The following AP3B1 variants were observed in gnomAD, a reference collection of about 807,000 sequenced individuals.
AP3B1 encodes the protein adaptor related protein complex 3 subunit beta 1.
AP3B1 carries 61 observed loss-of-function variants against 132.5 expected under a neutral mutation model. That is an observed-to-expected ratio of 0.46 (90% confidence interval 0.37 to 0.57). The LOEUF (loss-of-function observed/expected upper bound fraction) is 0.57, where lower values mean the gene tolerates loss of function less well. Among genes scored for constraint, AP3B1 ranks in the 20% least tolerant of loss-of-function variants. The probability of loss-of-function intolerance (pLI) is 0.00; values close to 1 mark genes in which losing one functional copy is unlikely to be tolerated. For missense variants in AP3B1, 1,120 were observed against 1,289.4 expected (o/e 0.87, Z 2.01); for synonymous variants, 388 against 438.3 (o/e 0.89, Z 1.43).
chr5:78,280,485 T>C (rs1032224681), intron 1 of AP3B1, among the ~76,000 whole-genome samples: 23 of 152,314 alleles, frequency 1.5e-4, no homozygotes, highest in Middle Eastern at 3.4e-3. Context: ...ACAGTAATAA[T>C]AGGCATGGTG....
chr5:78,142,915 C>T (rs1269451065), intron 14 of AP3B1, among the ~76,000 whole-genome samples: 1 of 152,068 alleles, frequency 6.6e-6, no homozygotes, highest in African/African-American at 2.4e-5. Flanking sequence ...AAAGGTTACA[C>T]TGCATTAAGA....
In AP3B1 at chr5:78,096,210, G is replaced by A. The variant is rs571178607; in HGVS notation, c.2470+4743C>T. Among the ~76,000 whole-genome samples the A allele has an allele frequency of 1.9e-3, 283 of 152,362 alleles. 1 individual carries two copies. Among genetic ancestry groups the A allele is most frequent in the African/African-American group, 6.5e-3 (271 of 41,590 alleles). On this transcript the variant is annotated intron_variant, in intron 21 of 26. Transcript: ENST00000255194. ...ATTTTTTTGGTGGAGACGGGGTTTCGCTGTGTTGGCCGGGCTGATCTCCAG... is the reference window on the plus strand; with the variant it reads ...ATTTTTTTGGTGGAGACGGGGTTTCACTGTGTTGGCCGGGCTGATCTCCAG...
intron 17 of AP3B1, among the ~76,000 whole-genome samples, chr5:78,119,968 C>A (rs1191397323): frequency 3.3e-5 from 5 of 152,204 alleles, no homozygotes; most frequent in Non-Finnish European, 5.9e-5. Flanking sequence ...CAAAGGGAAG[C>A]CCATCAGACT....
At chr5:78,017,780 A>G (rs917263430) in intron 25 of AP3B1, among the ~76,000 whole-genome samples, 1 of 152,074 alleles carries the variant, frequency 6.6e-6, no homozygotes, top group Non-Finnish European at 1.5e-5. Context: ...CTGTTCATAT[A>G]TAATAAAGGT....
At chr5:78,050,870 G>T (rs944452167) in intron 22 of AP3B1, among the ~76,000 whole-genome samples, 5 of 152,110 alleles carry the variant, frequency 3.3e-5, no homozygotes, top group Admixed American at 6.6e-5. Context: ...GAAGTAATTA[G>T]TTCAGTAACT....
chr5:78,272,045 T>C (rs1748566876), intron 1 of AP3B1, among the ~76,000 whole-genome samples: 1 of 152,222 alleles, frequency 6.6e-6, no homozygotes, highest in Admixed American at 6.5e-5. Context: ...CTATTGTCTC[T>C]AAAGGCAGCC....
intron 2 of AP3B1, 70 bp from the exon 3 acceptor site, chr5:78,241,006 C>A (rs1186017132): frequency 8.9e-7 from 1 of 1,121,244 alleles, no homozygotes; most frequent in Non-Finnish European, 1.3e-6. Context: ...ATTAGGTCAA[C>A]AAATAAGCTA....
intron 14 of AP3B1, among the ~76,000 whole-genome samples, chr5:78,151,834 C>G (rs572733988): frequency 0.018 from 1,191 of 67,504 alleles, 33 homozygotes; most frequent in African/African-American, 0.057. Flanking sequence ...TTCCTTCCCT[C>G]CCCTCCCCCT....
At chr5:78,136,587 A>T (rs939691876) in intron 15 of AP3B1, among the ~76,000 whole-genome samples, 2 of 152,126 alleles carry the variant, frequency 1.3e-5, no homozygotes, top group African/African-American at 4.8e-5. Flanking sequence ...TTTCAGATTA[A>T]CCCTCTTTCT....
In AP3B1 at chr5:78,171,747, T is replaced by C. The variant is rs188142705; in HGVS notation, c.1167+3879A>G. 2.8e-3 allele frequency among the ~76,000 whole-genome samples: 431 copies of C among 152,330 alleles called. No individual in the cohort carries two copies. In the Middle Eastern group the frequency reaches 0.034, roughly 12 times the overall value. On this transcript the variant is annotated intron_variant, in intron 11 of 26. Transcript: ENST00000255194. The stretch of plus-strand genomic sequence containing the variant: ...CCCGTTATTTCTTTCTCTTGCCTGA[T>C]TGCCCTGGCCAGAACTGCCAACACC...
At chr5:78,097,320 T>G (rs1447351707) in intron 21 of AP3B1, among the ~76,000 whole-genome samples, 2 of 120,574 alleles carry the variant, frequency 1.7e-5, no homozygotes, top group Admixed American at 7.9e-5. Flanking sequence ...AGCAGCCCCG[T>G]CCGGGAGGGA....
chr5:78,267,513 T>C lies in AP3B1; in HGVS notation c.204+7A>G. ...CCAAAATTGAAGTAAATGAGTATTT[T>C]ACCTACCCCAACAATCCGCTTCATA... On this transcript the variant is annotated splice_region_variant and intron_variant, in intron 2 of 26. Transcript: ENST00000255194. 1.2e-6 allele frequency: 2 copies of C among 1,602,220 alleles called. No individual in the cohort carries two copies. The highest frequency in any genetic ancestry group is 1.7e-6 in the Non-Finnish European group (2 of 1,170,754).
intron 22 of AP3B1, among the ~76,000 whole-genome samples, chr5:78,048,860 A>G (rs1426095078): frequency 6.6e-6 from 1 of 152,178 alleles, no homozygotes; most frequent in African/African-American, 2.4e-5. Context: ...GGTTGGGATT[A>G]GTCAGATTTC....
At chr5:78,292,226 C>T (rs1309270400) in intron 1 of AP3B1, among the ~76,000 whole-genome samples, 2 of 151,936 alleles carry the variant, frequency 1.3e-5, no homozygotes, top group African/African-American at 2.4e-5. Context: ...AGTAATATTA[C>T]GGTTTTATAA....
intron 14 of AP3B1, among the ~76,000 whole-genome samples, chr5:78,154,363 G>T (rs537923984): frequency 1.2e-4 from 19 of 152,126 alleles, no homozygotes; most frequent in Non-Finnish European, 2.1e-4. Flanking sequence ...TTCTCTTGCC[G>T]CTTTTAGGAT....
chr5:78,019,163 G>A (rs1466034228), intron 25 of AP3B1, among the ~76,000 whole-genome samples: 5 of 152,046 alleles, frequency 3.3e-5, no homozygotes, highest in Non-Finnish European at 5.9e-5. Context: ...AACCATAGAA[G>A]TAAAATGGCA....
At chr5:78,155,928 A>C (rs528613063) in intron 14 of AP3B1, among the ~76,000 whole-genome samples, 2 of 152,346 alleles carry the variant, frequency 1.3e-5, no homozygotes, top group South Asian at 4.1e-4. Flanking sequence ...AACTCCTCTC[A>C]AAGGACAGCT....
intron 22 of AP3B1, among the ~76,000 whole-genome samples, chr5:78,040,653 T>C (rs1748038044): frequency 1.3e-5 from 2 of 152,166 alleles, no homozygotes; most frequent in African/African-American, 2.4e-5. Context: ...CATACTAGGC[T>C]TGACCTGACA....
At chr5:78,250,335 G>T (rs1480292677) in intron 2 of AP3B1, among the ~76,000 whole-genome samples, 1 of 152,140 alleles carries the variant, frequency 6.6e-6, no homozygotes, top group East Asian at 1.9e-4. Context: ...AAACAGTGAA[G>T]AACTTAATGA....
Sources: gnomAD v4.1 joint callset for allele counts (sites outside exome capture counted in the v4.1 genomes callset) on GRCh38, gnomAD v4.1.1 for gene constraint, MANE v1.5 for transcripts, NCBI Gene and HGNC (gene_info 2026-07-23, HGNC 2026-07-21) for gene names.